The following SHISA6 variants were observed in gnomAD, a reference collection of about 807,000 sequenced individuals.
SHISA6 encodes shisa family member 6, also known as protein shisa-6.
A neutral mutation model predicts 47.9 loss-of-function variants in SHISA6; 22 were observed. The ratio of observed to expected loss-of-function variants is 0.46; its 90% CI spans 0.33 to 0.66. The LOEUF (loss-of-function observed/expected upper bound fraction) is 0.66, where lower values mean the gene tolerates loss of function less well. Ranked by LOEUF, SHISA6 falls within the 30% of genes least tolerant of loss-of-function variation. The pLI, the probability that SHISA6 is intolerant of heterozygous loss-of-function variation, is 0.02. For missense variants in SHISA6, 680 were observed against 764.6 expected (o/e 0.89, Z 1.30); for synonymous variants, 388 against 337.8 (o/e 1.15, Z -1.63).
intron 1 of SHISA6, among the ~76,000 whole-genome samples, chr17:11,246,090 TC>T (rs1222964681): frequency 6.6e-6 from 1 of 152,044 alleles, no homozygotes; most frequent in Non-Finnish European, 1.5e-5. Flanking sequence ...AAATAGAGAG[TC>T]GACTTATTTT....
chr17:11,400,499 A>T (rs1387600451), intron 3 of SHISA6, among the ~76,000 whole-genome samples: 1 of 152,072 alleles, frequency 6.6e-6, no homozygotes, highest in African/African-American at 2.4e-5. Context: ...GTATCTGTCC[A>T]TTCCCCCAGT....
intron 2 of SHISA6, among the ~76,000 whole-genome samples, chr17:11,309,401 A>C (rs923342924): frequency 6.6e-6 from 1 of 152,202 alleles, no homozygotes; most frequent in Non-Finnish European, 1.5e-5. Context: ...ATTGTTTCTC[A>C]TGTGGAACCT....
chr17:11,248,597 G>C (rs1380250873), intron 1 of SHISA6, among the ~76,000 whole-genome samples: 1 of 152,004 alleles, frequency 6.6e-6, no homozygotes, highest in Non-Finnish European at 1.5e-5. Flanking sequence ...TCTTTCCTAC[G>C]TTTCTGTACC....
At chr17:11,456,672 G>C (rs1915544793) in intron 3 of SHISA6, among the ~76,000 whole-genome samples, 1 of 152,236 alleles carries the variant, frequency 6.6e-6, no homozygotes, top group African/African-American at 2.4e-5. Context: ...AGGTGGGAGG[G>C]GACCTGAGCC....
chr17:11,273,107 G>T (rs944989889), intron 2 of SHISA6, among the ~76,000 whole-genome samples: 4 of 152,194 alleles, frequency 2.6e-5, no homozygotes, highest in African/African-American at 9.7e-5. Flanking sequence ...CTTGTAACAA[G>T]CCCATGAGGC....
At chr17:11,448,786 A>G (rs1915304955) in intron 3 of SHISA6, among the ~76,000 whole-genome samples, 2 of 152,026 alleles carry the variant, frequency 1.3e-5, no homozygotes, top group Non-Finnish European at 2.9e-5. Context: ...AGATCATGCC[A>G]CAGCACTCCA....
intron 3 of SHISA6, among the ~76,000 whole-genome samples, chr17:11,527,485 A>G (rs1296493969): frequency 6.6e-6 from 1 of 152,186 alleles, no homozygotes; most frequent in Non-Finnish European, 1.5e-5. Context: ...TTCCAGCCAT[A>G]TAAGGATGAG....
intron 2 of SHISA6, among the ~76,000 whole-genome samples, chr17:11,373,541 A>G (rs1031845825): frequency 4.7e-4 from 72 of 152,308 alleles, no homozygotes; most frequent in African/African-American, 1.5e-3. Flanking sequence ...TAAAATCTCT[A>G]TCATTTCAAT....
intron 3 of SHISA6, among the ~76,000 whole-genome samples, chr17:11,489,240 A>T (rs931792322): frequency 6.6e-6 from 1 of 151,946 alleles, no homozygotes. Context: ...CGGGGCCCCA[A>T]TTTTATGAAA....
chr17:11,525,813 G>T (rs1249989896), intron 3 of SHISA6, among the ~76,000 whole-genome samples: 1 of 151,440 alleles, frequency 6.6e-6, no homozygotes, highest in Non-Finnish European at 1.5e-5. Flanking sequence ...GACTAGCCTG[G>T]GCAACATGGC....
Position 11,301,050 on chromosome 17 carries a change from T to C in SHISA6, c.799+37524T>C, listed in dbSNP as rs556810916. Reference sequence around the variant, plus strand: ...GCAAGGCCTGAAGCAAAAGAACTTCTCCAGTACAGCTGCGTGGAGTCCCGT... The same window carrying C: ...GCAAGGCCTGAAGCAAAAGAACTTCCCCAGTACAGCTGCGTGGAGTCCCGT... On this transcript the variant is annotated intron_variant, in intron 2 of 5. Coordinates refer to ENST00000441885, the MANE Select transcript of SHISA6 (RefSeq NM_207386.4). 2.0e-5 allele frequency among the ~76,000 whole-genome samples: 3 copies of C among 152,284 alleles called. No individual in the cohort carries two copies. In the East Asian group the frequency reaches 5.8e-4, roughly 29 times the overall value.
At chr17:11,528,176 A>G (rs1468633967) in intron 3 of SHISA6, among the ~76,000 whole-genome samples, 1 of 152,206 alleles carries the variant, frequency 6.6e-6, no homozygotes, top group African/African-American at 2.4e-5. Context: ...ATCCATTGTA[A>G]AAGAAAAAAT....
chr17:11,481,345 T>C, intron 3 of SHISA6, among the ~76,000 whole-genome samples: 1 of 59,370 alleles, frequency 1.7e-5, no homozygotes, highest in South Asian at 6.0e-4. Flanking sequence ...TATGTGTGTG[T>C]GTGTGTGTGT....
chr17:11,357,347 C>A (rs550673986), intron 2 of SHISA6, among the ~76,000 whole-genome samples: 3 of 152,166 alleles, frequency 2.0e-5, no homozygotes, highest in African/African-American at 7.2e-5. Context: ...GTTACCCCTC[C>A]CATCAAAATG....
chr17:11,361,663 T>C (rs900439290), intron 2 of SHISA6, among the ~76,000 whole-genome samples: 1 of 152,190 alleles, frequency 6.6e-6, no homozygotes, highest in Non-Finnish European at 1.5e-5. Flanking sequence ...TCCCTATGTG[T>C]GGATAAAACA....
intron 1 of SHISA6, among the ~76,000 whole-genome samples, chr17:11,260,103 A>G (rs1282959166): frequency 1.3e-5 from 2 of 152,196 alleles, no homozygotes; most frequent in Admixed American, 6.5e-5. Flanking sequence ...TTAATACACA[A>G]TACCAAGTAC....
At chr17:11,540,330 A>G (rs148975563) in intron 3 of SHISA6, among the ~76,000 whole-genome samples, 1 of 152,336 alleles carries the variant, frequency 6.6e-6, no homozygotes, top group African/African-American at 2.4e-5. Context: ...AAAAGAGAGC[A>G]GAGAGATGGA....
In SHISA6 at chr17:11,501,332, G is replaced by C. The variant is rs1004881662; in HGVS notation, c.896-50564G>C. On this transcript the variant is annotated intron_variant, in intron 3 of 5. Coordinates refer to ENST00000441885, the MANE Select transcript of SHISA6 (RefSeq NM_207386.4). ...TCACCATGTTGGTCAGGCTGGTCAC[G>C]AACTCCTGACCTCAGGTGATCCACC... Among the ~76,000 whole-genome samples the C allele has an allele frequency of 7.9e-5, 12 of 151,946 alleles. No homozygotes were observed. The South Asian group carries it at 2.3e-3, about 29-fold the overall frequency.
chr17:11,414,809 C>T (rs976980655), intron 3 of SHISA6, among the ~76,000 whole-genome samples: 2 of 152,108 alleles, frequency 1.3e-5, no homozygotes, highest in Admixed American at 6.6e-5. Context: ...AAAAACAGGC[C>T]GGGTGTGGTG....
Sources: gnomAD v4.1 joint callset for allele counts (sites outside exome capture counted in the v4.1 genomes callset) on GRCh38, gnomAD v4.1.1 for gene constraint, MANE v1.5 for transcripts, NCBI Gene and HGNC (gene_info 2026-07-23, HGNC 2026-07-21) for gene names.